Variants in ATXN1 observed in about 807,000 individuals in gnomAD.
The protein encoded by ATXN1 is ataxin 1.
ATXN1 carries 8 observed loss-of-function variants against 56.4 expected under a neutral mutation model. The observed-to-expected ratio is 0.14, with a 90% CI of 0.08 to 0.26. The LOEUF (loss-of-function observed/expected upper bound fraction) is 0.26, where lower values mean the gene tolerates loss of function less well. Among genes scored for constraint, ATXN1 ranks in the 10% least tolerant of loss-of-function variants. ATXN1 has a pLI of 1.00. For missense variants in ATXN1, 987 were observed against 1,106.5 expected, an observed-to-expected ratio of 0.89 and a Z score of 1.53; for synonymous variants, 514 against 494.6, an observed-to-expected ratio of 1.04 and a Z score of -0.52.
intron 2 of ATXN1, among the ~76,000 whole-genome samples, chr6:16,670,280 T>C (rs1297952646): frequency 4.6e-5 from 7 of 152,174 alleles, no homozygotes; most frequent in Non-Finnish European, 8.8e-5. Flanking sequence ...CTCACCCAGA[T>C]GTCTGCCTGC....
chr6:16,715,483 G>T (rs1268585008), intron 2 of ATXN1, among the ~76,000 whole-genome samples: 1 of 152,168 alleles, frequency 6.6e-6, no homozygotes, highest in East Asian at 1.9e-4. Context: ...AAATGTTGCA[G>T]ACTTCAGGCA....
intron 2 of ATXN1, among the ~76,000 whole-genome samples, chr6:16,733,712 T>G (rs900943170): frequency 1.3e-5 from 2 of 152,134 alleles, no homozygotes; most frequent in Non-Finnish European, 2.9e-5. Flanking sequence ...CTGGGTGTGG[T>G]GGCATATGCC....
chr6:16,362,234 C>A (rs1191091329), intron 6 of ATXN1, among the ~76,000 whole-genome samples: 3 of 152,178 alleles, frequency 2.0e-5, no homozygotes, highest in African/African-American at 7.2e-5. Flanking sequence ...AGCTCTTGAT[C>A]TGACTGGACG....
chr6:16,546,160 T>C (rs1319670189), intron 4 of ATXN1, among the ~76,000 whole-genome samples: 1 of 152,190 alleles, frequency 6.6e-6, no homozygotes, highest in Non-Finnish European at 1.5e-5. Context: ...GGTTTTTTCA[T>C]GGAAAATTCC....
intron 4 of ATXN1, among the ~76,000 whole-genome samples, chr6:16,584,558 G>C (rs1246195793): frequency 6.6e-5 from 10 of 151,550 alleles, no homozygotes; most frequent in Non-Finnish European, 1.5e-4. Flanking sequence ...GTCGAAATCT[G>C]GTAAGTTTCA....
intron 4 of ATXN1, among the ~76,000 whole-genome samples, chr6:16,527,434 A>G (rs1291146027): frequency 6.6e-6 from 1 of 152,212 alleles, no homozygotes; most frequent in Non-Finnish European, 1.5e-5. Flanking sequence ...ACATAGCAGC[A>G]GCAAAGAAAT....
intron 3 of ATXN1, among the ~76,000 whole-genome samples, chr6:16,647,228 C>A (rs1015834991): frequency 6.6e-6 from 1 of 152,044 alleles, no homozygotes; most frequent in Non-Finnish European, 1.5e-5. Flanking sequence ...TGGTCTTAAC[C>A]CCTGACCTTG....
intron 2 of ATXN1, among the ~76,000 whole-genome samples, chr6:16,721,660 T>A (rs1444043986): frequency 6.6e-6 from 1 of 152,176 alleles, no homozygotes; most frequent in Non-Finnish European, 1.5e-5. Context: ...GTACCAGGTA[T>A]GTCTGCAATG....
At chr6:16,619,454 C>G (rs1763279080) in intron 3 of ATXN1, among the ~76,000 whole-genome samples, 1 of 152,086 alleles carries the variant, frequency 6.6e-6, no homozygotes, top group South Asian at 2.1e-4. Flanking sequence ...TTACGATAGG[C>G]CCTAAGATCA....
intron 4 of ATXN1, among the ~76,000 whole-genome samples, chr6:16,556,299 C>T (rs148022692): frequency 0.01 from 1,524 of 152,256 alleles, 9 homozygotes; most frequent in Non-Finnish European, 0.015. Context: ...ATACTTTTAT[C>T]TCGTTTCTTC....
Position 16,526,002 on chromosome 6 carries a change from T to C in ATXN1, c.-360-3314A>G, listed in dbSNP as rs1761385101. ...CCCCAGACTCTCTCCTATGCCCAAG[T>C]ATACAGAGTATATTGTACACATACA... On this transcript the variant is annotated intron_variant, in intron 4 of 7. Coordinates refer to ENST00000436367, the MANE Select transcript of ATXN1 (RefSeq NM_001128164.2). 2.7e-5 allele frequency among the ~76,000 whole-genome samples: 4 copies of C among 148,524 alleles called. No individual in the cohort carries two copies. In the South Asian group the frequency reaches 8.4e-4, roughly 31 times the overall value.
intron 2 of ATXN1, among the ~76,000 whole-genome samples, chr6:16,713,555 G>C (rs933152682): frequency 1.3e-5 from 2 of 152,314 alleles, no homozygotes; most frequent in Middle Eastern, 3.4e-3. Flanking sequence ...GAAAGAATCT[G>C]AGAAAACATA....
At chr6:16,715,564 G>C (rs1386118096) in intron 2 of ATXN1, among the ~76,000 whole-genome samples, 2 of 152,198 alleles carry the variant, frequency 1.3e-5, no homozygotes, top group Non-Finnish European at 2.9e-5. Flanking sequence ...TATGAACTTA[G>C]TAACGCTGTG....
At chr6:16,346,435 G>A (rs2113450092) in intron 6 of ATXN1, among the ~76,000 whole-genome samples, 1 of 152,286 alleles carries the variant, frequency 6.6e-6, no homozygotes, top group Admixed American at 6.5e-5. Context: ...GTAATCCTTG[G>A]ACATGCAGTG....
chr6:16,411,490 A>G (rs1425925606), intron 6 of ATXN1, among the ~76,000 whole-genome samples: 2 of 152,130 alleles, frequency 1.3e-5, no homozygotes, highest in Non-Finnish European at 2.9e-5. Flanking sequence ...TTTATATCTG[A>G]TTATATTAAT....
At chr6:16,637,442 A>ATATG (rs1359425180) in intron 3 of ATXN1, among the ~76,000 whole-genome samples, 1 of 152,122 alleles carries the variant, frequency 6.6e-6, no homozygotes, top group African/African-American at 2.4e-5. Context: ...ACATGTATAC[A>ATATG]TATGTAACAA....
chr6:16,518,193 T>C (rs7743513), intron 5 of ATXN1, among the ~76,000 whole-genome samples: 4,961 of 152,164 alleles, frequency 0.033, 269 homozygotes, highest in African/African-American at 0.11. Context: ...AGCAGAAATA[T>C]GGCCAGAGCA....
chr6:16,588,184 G>A (rs144382649), intron 3 of ATXN1, among the ~76,000 whole-genome samples: 70 of 151,990 alleles, frequency 4.6e-4, no homozygotes, highest in Non-Finnish European at 7.5e-4. Context: ...GCTCCTCTCC[G>A]GCACCACCCT....
intron 6 of ATXN1, among the ~76,000 whole-genome samples, chr6:16,405,568 G>A (rs1758669195): frequency 6.6e-6 from 1 of 152,192 alleles, no homozygotes; most frequent in Non-Finnish European, 1.5e-5. Flanking sequence ...CAATCTGTTT[G>A]AAAAGCACAG....
Sources: gnomAD v4.1 joint callset for allele counts (sites outside exome capture counted in the v4.1 genomes callset) on GRCh38, gnomAD v4.1.1 for gene constraint, MANE v1.5 for transcripts, NCBI Gene and HGNC (gene_info 2026-07-23, HGNC 2026-07-21) for gene names.